The following GET4 variants were observed in gnomAD, a reference collection of about 807,000 sequenced individuals.
The protein encoded by GET4 is Golgi to ER traffic protein 4 homolog.
GET4 carries 20 observed loss-of-function variants against 40.0 expected under a neutral mutation model. That is an observed-to-expected ratio of 0.50 (90% CI 0.35 to 0.73). The LOEUF (loss-of-function observed/expected upper bound fraction) is 0.73. Among genes scored for constraint, GET4 ranks in the 30% least tolerant of loss-of-function variants. The pLI is 0.01. For synonymous variants in GET4, 280 were observed against 194.6 expected, an observed-to-expected ratio of 1.44 and a Z score of -3.65; for missense variants, 557 against 454.0, an observed-to-expected ratio of 1.23 and a Z score of -2.06.
chr7:893,824 T>TTGGGGCTGGGGAGGGAGGAG lies in GET4; in HGVS notation c.822+10_822+29dup. 1 of 1,609,840 alleles carries TTGGGGCTGGGGAGGGAGGAG rather than the reference T, an allele frequency of 6.2e-7. No individual in the cohort carries two copies. Among genetic ancestry groups the TTGGGGCTGGGGAGGGAGGAG allele is most frequent in the Non-Finnish European group, 8.5e-7 (1 of 1,176,642 alleles). On this transcript the variant is annotated intron_variant, in intron 7 of 8. Coordinates refer to ENST00000265857, the MANE Select transcript of GET4 (RefSeq NM_015949.3). ...ACCCCATGTACAACGAGGTGAGAGCTTGGGGCTGGGGAGGGAGGAGGGGAC... is the reference window on the plus strand; with the variant it reads ...ACCCCATGTACAACGAGGTGAGAGCTTGGGGCTGGGGAGGGAGGAGTGGGGCTGGGGAGGGAGGAGGGGAC...
At position 886,656 on chromosome 7, in the gene GET4, C is replaced by T; in HGVS notation, c.316+6C>T. On this transcript the variant is annotated splice_donor_region_variant and intron_variant, in intron 3 of 8. Transcript: ENST00000265857. Reference sequence around the variant, plus strand: ...GGTGGCTGACGAGCTGCTGGGTGAGCATCCGGCCCTTCACCCCGGGACCCT... The same window carrying T: ...GGTGGCTGACGAGCTGCTGGGTGAGTATCCGGCCCTTCACCCCGGGACCCT... 1 of 1,600,690 alleles carries T rather than the reference C, an allele frequency of 6.2e-7. No individual in the cohort carries two copies.
rs1844487647 is a variant in GET4 at position 896,170 on chromosome 7, AT to A, written c.*750del. 1 of 152,134 alleles carries A rather than the reference AT, an allele frequency of 6.6e-6. No individual in the cohort carries two copies. The highest frequency in any genetic ancestry group is 1.5e-5 in the Non-Finnish European group (1 of 68,036). The allele number at this position is 152,134 out of a possible 1,614,324, so 9.4% of individuals were successfully genotyped here. On this transcript the variant is annotated 3_prime_UTR_variant, in exon 9 of 9. Coordinates refer to ENST00000265857, the MANE Select transcript of GET4 (RefSeq NM_015949.3). Reference sequence around the variant, plus strand: ...CAATATTTATTTGTATTGGGTGATGATTGATTCTTTCGACCTAACATTTTGG... The same window carrying A: ...CAATATTTATTTGTATTGGGTGATGATGATTCTTTCGACCTAACATTTTGG...
rs1242349880 is a variant in GET4 at position 896,393 on chromosome 7, G to A, written c.*971G>A. The A allele has an allele frequency of 6.6e-6, 1 of 152,206 alleles. No individual in the cohort carries two copies. The allele number at this position is 152,206 out of a possible 1,614,324, so 9.4% of individuals were successfully genotyped here. ...TACTGTAAAGTGGAATTTCAGGAAGGCTTGTGTGAACCGTTGCGCATAAAT... is the reference window on the plus strand; with the variant it reads ...TACTGTAAAGTGGAATTTCAGGAAGACTTGTGTGAACCGTTGCGCATAAAT... On this transcript the variant is annotated 3_prime_UTR_variant, in exon 9 of 9. Transcript: ENST00000265857.
At chr7:880,233 C>CT (rs1399465375) in intron 1 of GET4, 1 of 152,296 alleles carries the variant, frequency 6.6e-6, no homozygotes. Flanking sequence ...CCCAGCTGCT[C>CT]CAGAGGCTGA....
intron 8 of GET4, among the ~76,000 whole-genome samples, chr7:894,965 C>T (rs911034022): frequency 6.6e-6 from 1 of 152,156 alleles, no homozygotes; most frequent in Non-Finnish European, 1.5e-5. Context: ...CCCCACTTCT[C>T]TGCTCAAAAA....
At chr7:892,562 TGG>T in intron 6 of GET4, 144 bp downstream of exon 6, 1 of 783,972 alleles carries the variant, frequency 1.3e-6, no homozygotes, top group South Asian at 1.7e-5. Flanking sequence ...GTATGAGTGC[TGG>T]GTGTAGACGT....
At chr7:893,529 GTA>G (rs1844389672) in intron 6 of GET4, among the ~76,000 whole-genome samples, 1 of 142,082 alleles carries the variant, frequency 7.0e-6, no homozygotes, top group African/African-American at 2.6e-5. Flanking sequence ...AGTGTTGGGT[GTA>G]GGCGTGGTGG....
chr7:892,071 C>T (rs1222294039), intron 5 of GET4, among the ~76,000 whole-genome samples: 1 of 152,260 alleles, frequency 6.6e-6, no homozygotes, highest in African/African-American at 2.4e-5. Flanking sequence ...TCCCAAGCTT[C>T]ATTCTCTTCA....
intron 1 of GET4, chr7:878,006 A>C: frequency 4.5e-6 from 1 of 223,040 alleles, no homozygotes; most frequent in Non-Finnish European, 8.9e-6. Flanking sequence ...CGGGCCCTAC[A>C]CCGGGCTCCG....
At chr7:886,456 A>T in intron 2 of GET4, 113 bp from the exon 3 acceptor site, 5 of 736,330 alleles carry the variant, frequency 6.8e-6, no homozygotes, top group South Asian at 6.4e-5. Flanking sequence ...CTCAGAAGAG[A>T]CTCCTCAGCA....
chr7:893,771 G>C lies in GET4; in HGVS notation c.778G>C (p.Glu260Gln). 2.5e-6 allele frequency: 4 copies of C among 1,611,116 alleles called. No individual in the cohort carries two copies. Among genetic ancestry groups the C allele is most frequent in the Non-Finnish European group, 3.4e-6 (4 of 1,178,198 alleles). Residue 260 changes from glutamate (E) to glutamine (Q), a missense_variant, in exon 7 of 9, where the codon GAG becomes CAG. Coordinates refer to ENST00000265857, the MANE Select transcript of GET4 (RefSeq NM_015949.3). ...GCTGACGGTGTTCACTGTGCTGTGT[G>C]AGCAGTACCAGCCATCCCTCCGGCG... Reference protein sequence around the residue: ...GKLTVFTVLCEQYQPSLRRDP... With the variant: ...GKLTVFTVLCQQYQPSLRRDP...
intron 1 of GET4, among the ~76,000 whole-genome samples, chr7:877,415 C>T (rs1272435627): frequency 4.1e-5 from 5 of 122,914 alleles, no homozygotes; most frequent in Non-Finnish European, 8.8e-5. Context: ...TCTCTCTCTC[C>T]CCGGCCTCCC....
Position 896,392 on chromosome 7 carries a change from G to C in GET4, c.*970G>C, listed in dbSNP as rs773813216. 6.6e-6 allele frequency: 1 copy of C among 152,224 alleles called. No homozygotes were observed. The highest frequency in any genetic ancestry group is 1.5e-5 in the Non-Finnish European group (1 of 68,048). 9.4% of individuals were successfully genotyped at this position (152,224 alleles called of 1,614,324 possible). On this transcript the variant is annotated 3_prime_UTR_variant, in exon 9 of 9. Transcript: ENST00000265857. Reference sequence around the variant, plus strand: ...TTACTGTAAAGTGGAATTTCAGGAAGGCTTGTGTGAACCGTTGCGCATAAA... The same window carrying C: ...TTACTGTAAAGTGGAATTTCAGGAACGCTTGTGTGAACCGTTGCGCATAAA...
chr7:891,296 C>G (rs1024647077), intron 5 of GET4, among the ~76,000 whole-genome samples: 8 of 152,242 alleles, frequency 5.3e-5, no homozygotes, highest in Non-Finnish European at 1.0e-4. Flanking sequence ...CTGGAGTGCC[C>G]TACACACGCC....
At chr7:884,738 C>A in intron 1 of GET4, 1 of 165,240 alleles carries the variant, frequency 6.1e-6, no homozygotes, top group Non-Finnish European at 1.3e-5. Context: ...CATTCTGGTC[C>A]TCAGTGGCGT....
intron 1 of GET4, among the ~76,000 whole-genome samples, chr7:879,087 C>T (rs1219872321): frequency 2.0e-5 from 3 of 152,206 alleles, no homozygotes; most frequent in Non-Finnish European, 4.4e-5. Context: ...CAGCTCCACT[C>T]CCTGAAGACC....
At chr7:891,538 C>T (rs558555549) in intron 5 of GET4, among the ~76,000 whole-genome samples, 4 of 152,316 alleles carry the variant, frequency 2.6e-5, no homozygotes, top group South Asian at 4.1e-4. Flanking sequence ...TGGTCCCTCC[C>T]GCCAGCTCGC....
chr7:892,419 G>A lies in GET4; in HGVS notation c.746+1G>A, dbSNP rs1027791293. On this transcript the variant is annotated splice_donor_variant, in intron 6 of 8. Transcript: ENST00000265857. LOFTEE classifies it high-confidence loss of function. ...GGTTCCTGCTGCTGGCTGTGGACGG[G>A]TGCGTCTTGGGATCCTGCAGGGGGA... 1.3e-6 allele frequency: 2 copies of A among 1,586,114 alleles called. No individual in the cohort carries two copies. Among genetic ancestry groups the A allele is most frequent in the Non-Finnish European group, 1.7e-6 (2 of 1,157,788 alleles).
In GET4 at chr7:876,647, T is replaced by TGGCGGC. The variant is rs753777363; in HGVS notation, c.13_18dup (p.Ala5_Ala6dup). ...AGCCCTGCGCGGAGCGCCGGCCCGATGGCGGCGGCGGCGGCGATGGCCGAG... is the reference window on the plus strand; with the variant it reads ...AGCCCTGCGCGGAGCGCCGGCCCGATGGCGGCGGCGGCGGCGGCGGCGATGGCCGAG... On this transcript the variant is annotated inframe_insertion, in exon 1 of 9. Coordinates refer to ENST00000265857, the MANE Select transcript of GET4 (RefSeq NM_015949.3). 7 of 1,267,462 alleles carry TGGCGGC rather than the reference T, an allele frequency of 5.5e-6. No individual in the cohort carries two copies. The highest frequency in any genetic ancestry group is 3.1e-4 in the Middle Eastern group (1 of 3,244). The allele number at this position is 1,267,462 out of a possible 1,614,324, so 78.5% of individuals were successfully genotyped here. A position where few individuals can be genotyped will look rare whatever the true frequency, so the allele number is the denominator to read the frequency against.
Sources: gnomAD v4.1 joint callset for allele counts (sites outside exome capture counted in the v4.1 genomes callset) on GRCh38, gnomAD v4.1.1 for gene constraint, MANE v1.5 for transcripts, NCBI Gene and HGNC (gene_info 2026-07-23, HGNC 2026-07-21) for gene names.